WDR93: variants seen among roughly 807,000 people sequenced by gnomAD.
WDR93 encodes WD repeat domain 93, also known as WD repeat-containing protein 93.
A neutral mutation model predicts 82.9 loss-of-function variants in WDR93; 73 were observed. The observed-to-expected ratio is 0.88, with a 90% CI of 0.73 to 1.07. The LOEUF (loss-of-function observed/expected upper bound fraction) is 1.07, where lower values mean the gene tolerates loss of function less well. Among genes scored for constraint, WDR93 ranks in the 50% least tolerant of loss-of-function variants. WDR93 has a pLI of 0.00. For missense variants in WDR93, 738 were observed against 826.0 expected (o/e 0.89, Z 1.31); for synonymous variants, 283 against 300.1 (o/e 0.94, Z 0.59).
intron 12 of WDR93, among the ~76,000 whole-genome samples, chr15:89,731,986 T>C (rs1596116275): frequency 6.6e-6 from 1 of 152,286 alleles, no homozygotes; most frequent in East Asian, 1.9e-4. Context: ...CAAACTCTAT[T>C]GTATTAGAGC....
intron 13 of WDR93, among the ~76,000 whole-genome samples, chr15:89,733,986 C>T (rs1966953401): frequency 6.6e-6 from 1 of 151,210 alleles, no homozygotes; most frequent in Non-Finnish European, 1.5e-5. Context: ...GCAAATGAAC[C>T]TGTATAATGT....
chr15:89,701,295 G>C (rs1021228560), intron 1 of WDR93, among the ~76,000 whole-genome samples: 1 of 152,130 alleles, frequency 6.6e-6, no homozygotes, highest in African/African-American at 2.4e-5. Flanking sequence ...CATCTGATGG[G>C]GGGTAAAGGA....
chr15:89,711,353 T>C (rs1389759525), intron 4 of WDR93, among the ~76,000 whole-genome samples: 3 of 152,078 alleles, frequency 2.0e-5, no homozygotes, highest in African/African-American at 7.2e-5. Flanking sequence ...CTAATATAAA[T>C]TAAGAGACTT....
intron 13 of WDR93, among the ~76,000 whole-genome samples, chr15:89,734,188 C>A (rs947987329): frequency 6.6e-6 from 1 of 152,170 alleles, no homozygotes; most frequent in East Asian, 1.9e-4. Flanking sequence ...TGCTAAATAA[C>A]AAACCACCCC....
intron 13 of WDR93, among the ~76,000 whole-genome samples, chr15:89,734,247 T>C (rs1394137018): frequency 6.6e-6 from 1 of 152,218 alleles, no homozygotes; most frequent in Non-Finnish European, 1.5e-5. Flanking sequence ...CTTGAGTCTG[T>C]AGGTCAGCAA....
At chr15:89,701,220 C>A (rs1231594224) in intron 1 of WDR93, among the ~76,000 whole-genome samples, 1 of 151,942 alleles carries the variant, frequency 6.6e-6, no homozygotes, top group African/African-American at 2.4e-5. Flanking sequence ...AACTTCTGGG[C>A]AGCAGCAGCG....
Position 89,726,357 on chromosome 15 carries a change from G to A in WDR93, c.881-800G>A, listed in dbSNP as rs114136947. 6.8e-3 allele frequency among the ~76,000 whole-genome samples: 1,043 copies of A among 152,298 alleles called. 11 individuals are homozygous for A. The highest frequency in any genetic ancestry group is 0.023 in the African/African-American group (964 of 41,540). Reference sequence around the variant, plus strand: ...ATCTGTATTTTTAACAAGTTCCCAGGTGACTCTGCCACTGCTGATCTGGCA... The same window carrying A: ...ATCTGTATTTTTAACAAGTTCCCAGATGACTCTGCCACTGCTGATCTGGCA... On this transcript the variant is annotated intron_variant, in intron 8 of 16. Transcript: ENST00000268130.
rs565110563 is a variant in WDR93, at chr15:89,719,788, T to C, written c.796-2267T>C. On this transcript the variant is annotated intron_variant, in intron 7 of 16. Coordinates refer to ENST00000268130, the MANE Select transcript of WDR93 (RefSeq NM_020212.2). ...TTAGTTTCCTCTTCTAATTTCTTTC[T>C]TTCTTTTTCTTCTTTTTTTCTTTTT... 5.3e-5 allele frequency among the ~76,000 whole-genome samples: 8 copies of C among 152,102 alleles called. No individual in the cohort carries two copies. In the South Asian group the frequency reaches 1.5e-3, roughly 28 times the overall value.
chr15:89,702,666 GTA>G (rs2141599313), intron 2 of WDR93, among the ~76,000 whole-genome samples: 1 of 152,148 alleles, frequency 6.6e-6, no homozygotes, highest in Non-Finnish European at 1.5e-5. Context: ...AGCCTCCCAA[GTA>G]GCTGGGATTA....
chr15:89,727,825 G>A (rs1475747547), intron 9 of WDR93, among the ~76,000 whole-genome samples: 1 of 151,990 alleles, frequency 6.6e-6, no homozygotes. Flanking sequence ...GCTCAGGCCT[G>A]TAATCCCAGC....
At chr15:89,730,095 C>T (rs541439661) in intron 11 of WDR93, among the ~76,000 whole-genome samples, 1 of 152,262 alleles carries the variant, frequency 6.6e-6, no homozygotes, top group African/African-American at 2.4e-5. Flanking sequence ...GAGGCCGAGG[C>T]GAGTGGATCA....
intron 1 of WDR93, among the ~76,000 whole-genome samples, chr15:89,697,943 A>G (rs1965266250): frequency 6.7e-6 from 1 of 148,614 alleles, no homozygotes; most frequent in Non-Finnish European, 1.5e-5. Context: ...GCAGTGGTGC[A>G]ATCTCGGCTC....
intron 3 of WDR93, chr15:89,704,427 A>G (rs1355227584): frequency 6.6e-6 from 1 of 152,246 alleles, no homozygotes; most frequent in African/African-American, 2.4e-5. Context: ...TATTTTTGTA[A>G]CTTTTTTATA....
intron 8 of WDR93, among the ~76,000 whole-genome samples, chr15:89,725,445 G>T (rs992022559): frequency 2.0e-5 from 3 of 152,030 alleles, no homozygotes; most frequent in Admixed American, 2.0e-4. Context: ...CAATGAAGTG[G>T]CTACCATAAA....
At chr15:89,711,432 G>A (rs1017867172) in intron 4 of WDR93, among the ~76,000 whole-genome samples, 3 of 151,742 alleles carry the variant, frequency 2.0e-5, no homozygotes, top group African/African-American at 7.3e-5. Context: ...AGGCCATCTT[G>A]GGAAGATCAC....
chr15:89,743,124 C>T (rs1355846546), intron 16 of WDR93, among the ~76,000 whole-genome samples, 168 bp from the exon 17 acceptor site: 1 of 152,236 alleles, frequency 6.6e-6, no homozygotes, highest in African/African-American at 2.4e-5. Context: ...GAAAGGCCTT[C>T]TGAGCACCTG....
chr15:89,690,766 G>T, upstream of WDR93: 1 of 589,380 alleles, frequency 1.7e-6, no homozygotes, highest in South Asian at 2.1e-5. Context: ...GCCCCAGAGG[G>T]GGCGGGCACA....
rs1966629867 is a variant in WDR93 at position 89,723,995 on chromosome 15, C to G, written c.880+1856C>G. 2.0e-5 allele frequency among the ~76,000 whole-genome samples: 3 copies of G among 152,034 alleles called. No individual in the cohort carries two copies. The South Asian group carries it at 6.2e-4, about 32-fold the overall frequency. ...AGTGGATCACTTGAAGCTAGGAGTT[C>G]AAGACCAGCCTGGCCAACATGGCGA... is the stretch of plus-strand genomic sequence containing the variant. On this transcript the variant is annotated intron_variant, in intron 8 of 16. Transcript: ENST00000268130.
intron 16 of WDR93, among the ~76,000 whole-genome samples, chr15:89,742,724 G>C (rs559609019): frequency 1.4e-4 from 22 of 152,082 alleles, no homozygotes; most frequent in African/African-American, 4.8e-4. Flanking sequence ...GTAGAGACGG[G>C]GTTTCTCCAG....
Sources: gnomAD v4.1 joint callset for allele counts (sites outside exome capture counted in the v4.1 genomes callset) on GRCh38, gnomAD v4.1.1 for gene constraint, MANE v1.5 for transcripts, NCBI Gene and HGNC (gene_info 2026-07-23, HGNC 2026-07-21) for gene names.